SNTG1: variants seen among roughly 807,000 people sequenced by gnomAD.
The protein encoded by SNTG1 is syntrophin gamma 1, also known as gamma-1-syntrophin.
SNTG1 carries 39 observed loss-of-function variants against 74.7 expected under a neutral mutation model. The observed-to-expected ratio is 0.52, with a 90% CI of 0.40 to 0.68. SNTG1 has a LOEUF of 0.68. Ranked by LOEUF, SNTG1 falls within the 30% of genes least tolerant of loss-of-function variation. SNTG1 has a pLI of 0.00. For synonymous variants in SNTG1, 254 were observed against 217.1 expected, an observed-to-expected ratio of 1.17 and a Z score of -1.49; for missense variants, 685 against 609.5, an observed-to-expected ratio of 1.12 and a Z score of -1.30.
chr8:49,992,853 T>G (rs1813821058), intron 1 of SNTG1, among the ~76,000 whole-genome samples: 1 of 152,188 alleles, frequency 6.6e-6, no homozygotes, highest in Non-Finnish European at 1.5e-5. Context: ...CTTAGTAAAG[T>G]GCTCACACAT....
intron 13 of SNTG1, among the ~76,000 whole-genome samples, chr8:50,637,274 C>T (rs773949040): frequency 5.9e-5 from 9 of 152,104 alleles, no homozygotes; most frequent in Admixed American, 2.6e-4. Context: ...TCTTGTTATA[C>T]AATCATGTCC....
intron 18 of SNTG1, among the ~76,000 whole-genome samples, chr8:50,773,459 C>T (rs2095632365): frequency 6.6e-6 from 1 of 152,180 alleles, no homozygotes; most frequent in East Asian, 1.9e-4. Context: ...TAAAGAAGTG[C>T]CACAAAACAC....
intron 1 of SNTG1, among the ~76,000 whole-genome samples, chr8:50,088,490 G>A (rs1327418688): frequency 4.6e-5 from 6 of 130,754 alleles, no homozygotes; most frequent in Non-Finnish European, 1.0e-4. Context: ...CGACATGATT[G>A]TATATCTAGA....
intron 8 of SNTG1, among the ~76,000 whole-genome samples, chr8:50,480,496 A>G (rs890105685): frequency 2.6e-4 from 40 of 152,232 alleles, no homozygotes; most frequent in African/African-American, 9.2e-4. Flanking sequence ...TGCTCAGGCT[A>G]ATTAACAAGC....
intron 17 of SNTG1, among the ~76,000 whole-genome samples, chr8:50,746,375 C>G (rs1464807698): frequency 6.6e-6 from 1 of 151,944 alleles, no homozygotes; most frequent in Non-Finnish European, 1.5e-5. Flanking sequence ...TCAGGGATAT[C>G]CACTGGCATC....
intron 17 of SNTG1, among the ~76,000 whole-genome samples, chr8:50,736,525 G>A (rs908340461): frequency 6.6e-6 from 1 of 152,040 alleles, no homozygotes; most frequent in Non-Finnish European, 1.5e-5. Flanking sequence ...CAACAAGAGA[G>A]AAAATTAACA....
chr8:50,664,117 C>A (rs948824449), intron 15 of SNTG1, among the ~76,000 whole-genome samples: 3 of 152,120 alleles, frequency 2.0e-5, no homozygotes, highest in Admixed American at 6.6e-5. Context: ...TGTAAAGCAA[C>A]ATGGAAGTTA....
chr8:50,621,013 TGAAACA>T (rs2094919450), intron 13 of SNTG1, among the ~76,000 whole-genome samples: 1 of 151,370 alleles, frequency 6.6e-6, no homozygotes, highest in South Asian at 2.1e-4. Flanking sequence ...GGCAATTAAC[TGAAACA>T]GAAACACATA....
intron 1 of SNTG1, among the ~76,000 whole-genome samples, chr8:50,103,327 G>T (rs976200491): frequency 6.6e-6 from 1 of 152,144 alleles, no homozygotes; most frequent in African/African-American, 2.4e-5. Flanking sequence ...AAGCAATTGT[G>T]AATAGGAGTT....
intron 9 of SNTG1, among the ~76,000 whole-genome samples, chr8:50,515,981 C>T (rs1427241978): frequency 6.6e-6 from 1 of 152,150 alleles, no homozygotes; most frequent in African/African-American, 2.4e-5. Flanking sequence ...GGGTCCCTAA[C>T]CCCCATGCCT....
At chr8:50,611,865 C>G (rs1191252633) in intron 13 of SNTG1, among the ~76,000 whole-genome samples, 1 of 152,142 alleles carries the variant, frequency 6.6e-6, no homozygotes, top group Non-Finnish European at 1.5e-5. Flanking sequence ...CTCCTGGGTT[C>G]AAACAATCCT....
intron 18 of SNTG1, among the ~76,000 whole-genome samples, chr8:50,786,359 C>T (rs1184016384): frequency 6.6e-6 from 1 of 151,824 alleles, no homozygotes; most frequent in African/African-American, 2.4e-5. Flanking sequence ...GAAAGAAATT[C>T]AAGAAGATTT....
At chr8:50,294,760 G>A (rs1201546962) in intron 2 of SNTG1, among the ~76,000 whole-genome samples, 2 of 152,146 alleles carry the variant, frequency 1.3e-5, no homozygotes, top group Non-Finnish European at 1.5e-5. Flanking sequence ...TGAGAGCCAT[G>A]GCTCAGCCAA....
At chr8:50,293,976 G>A (rs1282659433) in intron 2 of SNTG1, among the ~76,000 whole-genome samples, 10 of 152,084 alleles carry the variant, frequency 6.6e-5, no homozygotes, top group African/African-American at 2.4e-4. Flanking sequence ...TTACTGGAAA[G>A]AACGTCTTAT....
chr8:50,221,408 A>G (rs757520621), intron 2 of SNTG1, among the ~76,000 whole-genome samples: 1 of 152,056 alleles, frequency 6.6e-6, no homozygotes, highest in East Asian at 1.9e-4. Context: ...GTTAAAAAAT[A>G]TAAGATCAAC....
intron 1 of SNTG1, among the ~76,000 whole-genome samples, chr8:50,135,669 A>G (rs1433519262): frequency 2.6e-5 from 4 of 152,024 alleles, no homozygotes; most frequent in Non-Finnish European, 4.4e-5. Context: ...GCTTTTAAAA[A>G]CTTTATTTTT....
chr8:50,266,862 G>A (rs1009898335), intron 2 of SNTG1, among the ~76,000 whole-genome samples: 8 of 151,920 alleles, frequency 5.3e-5, no homozygotes, highest in Non-Finnish European at 1.0e-4. Context: ...TTAAGCATCA[G>A]TGACTGGAAA....
chr8:50,015,951 C>T (rs1397148613), intron 1 of SNTG1, among the ~76,000 whole-genome samples: 1 of 152,078 alleles, frequency 6.6e-6, no homozygotes, highest in Admixed American at 6.6e-5. Flanking sequence ...GGTTGTGCGA[C>T]ATGCAGTTGG....
intron 1 of SNTG1, among the ~76,000 whole-genome samples, chr8:49,978,512 T>A (rs1174709666): frequency 6.6e-6 from 1 of 152,220 alleles, no homozygotes; most frequent in Non-Finnish European, 1.5e-5. Flanking sequence ...ATGGCCACGA[T>A]CACTGAAGTG....
Sources: gnomAD v4.1 joint callset for allele counts (sites outside exome capture counted in the v4.1 genomes callset) on GRCh38, gnomAD v4.1.1 for gene constraint, MANE v1.5 for transcripts, NCBI Gene and HGNC (gene_info 2026-07-23, HGNC 2026-07-21) for gene names.